ARHGAP11B: variants seen among roughly 807,000 people sequenced by gnomAD.
ARHGAP11B encodes Rho GTPase activating protein 11B, also known as inactive Rho GTPase-activating protein 11B.
ARHGAP11B carries 14 observed loss-of-function variants against 27.6 expected under a neutral mutation model. The ratio of observed to expected loss-of-function variants is 0.51; its 90% confidence interval spans 0.34 to 0.79. The LOEUF (loss-of-function observed/expected upper bound fraction) is 0.79, where lower values mean the gene tolerates loss of function less well. ARHGAP11B is among the 30% of genes least tolerant of loss of function. The pLI, the probability that ARHGAP11B is intolerant of heterozygous loss-of-function variation, is 0.02. For synonymous variants in ARHGAP11B, 82 were observed against 114.1 expected (o/e 0.72, Z 1.80); for missense variants, 245 against 320.1 (o/e 0.77, Z 1.79).
chr15:30,628,947 C>G (rs892701736), intron 1 of ARHGAP11B, among the ~76,000 whole-genome samples: 1 of 151,994 alleles, frequency 6.6e-6, no homozygotes, highest in African/African-American at 2.4e-5. Flanking sequence ...GCCTAAGTAT[C>G]TGGTTTATTT....
intron 7 of ARHGAP11B, among the ~76,000 whole-genome samples, chr15:30,640,901 G>GTTT (rs766874775): frequency 6.9e-6 from 1 of 144,156 alleles, no homozygotes; most frequent in Admixed American, 7.0e-5. Flanking sequence ...ACATAGTTCA[G>GTTT]TTTTTTTTTT....
chr15:30,629,742 TATA>T (rs2060232969), intron 1 of ARHGAP11B, among the ~76,000 whole-genome samples: 1 of 152,100 alleles, frequency 6.6e-6, no homozygotes, highest in Non-Finnish European at 1.5e-5. Context: ...TAAAGTTAAA[TATA>T]ATGCTCATAA....
chr15:30,639,503 A>G (rs554861430), intron 7 of ARHGAP11B, among the ~76,000 whole-genome samples: 257 of 151,640 alleles, frequency 1.7e-3, no homozygotes, highest in Non-Finnish European at 2.9e-3. Context: ...ATATATTCTC[A>G]TTTTTTGTTT....
At position 30,643,000 on chromosome 15, in the gene ARHGAP11B, T is replaced by G. The variant is rs567610423; in HGVS notation, c.*79-1639T>G. On this transcript the variant is annotated intron_variant, in intron 7 of 10. Coordinates refer to ENST00000428041, the Ensembl canonical transcript of ARHGAP11B. ...GTAGTTGGAGTTGCATGATACTTGA[T>G]TCATATGTCTGTGTAATGATGGTGT... Among the ~76,000 whole-genome samples, 5 of 152,132 alleles carry G rather than the reference T, an allele frequency of 3.3e-5. No homozygotes were observed. In the East Asian group the frequency reaches 9.7e-4, roughly 30 times the overall value.
chr15:30,637,360 T>G (rs1298510221), intron 6 of ARHGAP11B, among the ~76,000 whole-genome samples: 6 of 152,114 alleles, frequency 3.9e-5, no homozygotes, highest in African/African-American at 1.4e-4. Flanking sequence ...GGGTTCTACC[T>G]CTTCCTCTAC....
intron 7 of ARHGAP11B, among the ~76,000 whole-genome samples, chr15:30,644,417 G>T (rs2060333692): frequency 6.6e-6 from 1 of 151,916 alleles, no homozygotes; most frequent in African/African-American, 2.4e-5. Context: ...TTTCTTTGAA[G>T]CTTTATTTTA....
intron 2 of ARHGAP11B, among the ~76,000 whole-genome samples, chr15:30,631,727 A>G (rs1204546666): frequency 3.9e-5 from 6 of 152,216 alleles, no homozygotes; most frequent in African/African-American, 1.4e-4. Context: ...GTTTGTGAAA[A>G]TGTATTATGT....
Position 30,627,134 on chromosome 15 carries a change from G to T in ARHGAP11B, c.129+185G>T, listed in dbSNP as rs185666412. On this transcript the variant is annotated intron_variant, in intron 1 of 10. Transcript: ENST00000428041. Reference sequence around the variant, plus strand: ...CATTCTTGTTTTTTTTTTCCCCAAGGATTTTTGATCATTGAGAGAAAGTTG... The same window carrying T: ...CATTCTTGTTTTTTTTTTCCCCAAGTATTTTTGATCATTGAGAGAAAGTTG... 2.6e-3 allele frequency among the ~76,000 whole-genome samples: 400 copies of T among 151,708 alleles called. 6 individuals carry two copies. The highest frequency in any genetic ancestry group is 0.01 in the Middle Eastern group (3 of 294).
intron 6 of ARHGAP11B, among the ~76,000 whole-genome samples, chr15:30,637,181 C>T (rs2060284869): frequency 1.3e-5 from 2 of 151,538 alleles, no homozygotes; most frequent in African/African-American, 4.8e-5. Flanking sequence ...ATGTCAGTTC[C>T]ACTTTACTAA....
rs1272426143 is a variant in ARHGAP11B, at chr15:30,635,191, A to G, written c.660+3A>G. On this transcript the variant is annotated splice_donor_region_variant and intron_variant, in intron 5 of 10. Coordinates refer to ENST00000428041, the Ensembl canonical transcript of ARHGAP11B. Reference sequence around the variant, plus strand: ...TGTCTTCTAACGCAGAAAAGAAGGTACGATTACAGGCTGCAGTAGTACAGA... The same window carrying G: ...TGTCTTCTAACGCAGAAAAGAAGGTGCGATTACAGGCTGCAGTAGTACAGA... The G allele has an allele frequency of 6.2e-7, 1 of 1,612,744 alleles. No homozygotes were observed. The highest frequency in any genetic ancestry group is 1.3e-5 in the African/African-American group (1 of 74,758).
exon 2 of ARHGAP11B, chr15:30,630,760 G>A (rs1264738478): frequency 6.2e-7 from 1 of 1,611,028 alleles, no homozygotes; most frequent in South Asian, 1.1e-5. Context: ...ACCAGAATAT[G>A]GACACATTCC....
intron 7 of ARHGAP11B, among the ~76,000 whole-genome samples, chr15:30,640,920 T>C (rs1330584363): frequency 6.6e-6 from 1 of 151,632 alleles, no homozygotes; most frequent in Non-Finnish European, 1.5e-5. Flanking sequence ...TTTTTGAATA[T>C]TTAAAAGCCT....
chr15:30,648,800 A>C (rs1398802364), exon 11 of ARHGAP11B: 1 of 152,014 alleles, frequency 6.6e-6, no homozygotes, highest in African/African-American at 2.4e-5. Context: ...CGATGCTGGT[A>C]AAATATGGGT....
intron 9 of ARHGAP11B, among the ~76,000 whole-genome samples, chr15:30,646,674 A>C (rs74960509): frequency 8.0e-5 from 12 of 150,052 alleles, no homozygotes; most frequent in Admixed American, 2.0e-4. Flanking sequence ...AAAAAAAAAA[A>C]ATATGTGAAA....
At chr15:30,632,376 G>A (rs915878378) in intron 2 of ARHGAP11B, among the ~76,000 whole-genome samples, 2 of 148,510 alleles carry the variant, frequency 1.3e-5, no homozygotes, top group African/African-American at 5.0e-5. Context: ...AGCAGTGATC[G>A]CACCACTCCA....
chr15:30,641,726 T>C (rs1288380320), intron 7 of ARHGAP11B: 7 of 152,204 alleles, frequency 4.6e-5, no homozygotes, highest in African/African-American at 1.7e-4. Flanking sequence ...TTTTTTATTT[T>C]TATTTTTTGA....
At chr15:30,631,942 A>G in intron 2 of ARHGAP11B, among the ~76,000 whole-genome samples, 1 of 149,442 alleles carries the variant, frequency 6.7e-6, no homozygotes, top group African/African-American at 2.5e-5. Flanking sequence ...GTCCACCACC[A>G]CACTTAGCTA....
exon 1 of ARHGAP11B, chr15:30,626,778 G>A: frequency 1.3e-6 from 2 of 1,599,960 alleles, no homozygotes; most frequent in Middle Eastern, 3.3e-4. Flanking sequence ...GCGAACGAGG[G>A]TCAGGACCTG....
At chr15:30,638,337 C>A (rs1036543128) in intron 6 of ARHGAP11B, among the ~76,000 whole-genome samples, 2 of 151,912 alleles carry the variant, frequency 1.3e-5, no homozygotes, top group African/African-American at 4.8e-5. Flanking sequence ...CATTTGCTTA[C>A]ATTATTTATT....
Sources: allele counts gnomAD v4.1 joint callset (sites outside exome capture counted in the v4.1 genomes callset), GRCh38; gene constraint gnomAD v4.1.1; transcripts MANE v1.5; gene names NCBI Gene and HGNC (gene_info 2026-07-23, HGNC 2026-07-21).